The following ERICH6 variants were observed in gnomAD, a reference collection of about 807,000 sequenced individuals.
The protein encoded by ERICH6 is glutamate rich 6, also known as glutamate-rich protein 6.
A neutral mutation model predicts 71.0 loss-of-function variants in ERICH6; 71 were observed. That is an observed-to-expected ratio of 1.00 (90% CI 0.83 to 1.22). The LOEUF is 1.22. Ranked by LOEUF, ERICH6 falls within the 50% of genes most tolerant of loss-of-function variation. The pLI, the probability that ERICH6 is intolerant of heterozygous loss-of-function variation, is 0.00. For missense variants in ERICH6, 808 were observed against 797.2 expected (o/e 1.01, Z -0.16); for synonymous variants, 262 against 278.4 (o/e 0.94, Z 0.59).
intron 2 of ERICH6, among the ~76,000 whole-genome samples, chr3:150,701,060 T>A (rs1361535613): frequency 1.3e-5 from 2 of 152,134 alleles, no homozygotes; most frequent in Non-Finnish European, 2.9e-5. Flanking sequence ...AATACAAGCA[T>A]AATAAAGCTT....
chr3:150,677,700 T>C (rs574134643), intron 10 of ERICH6, among the ~76,000 whole-genome samples: 1 of 152,104 alleles, frequency 6.6e-6, no homozygotes, highest in African/African-American at 2.4e-5. Context: ...TTTTGTCTTG[T>C]TGTCCAGGCT....
intron 4 of ERICH6, 102 bp from the exon 5 acceptor site, chr3:150,686,123 C>CCA: frequency 3.3e-6 from 4 of 1,207,636 alleles, no homozygotes; most frequent in Non-Finnish European, 4.9e-6. Context: ...TCCTCCTTGC[C>CCA]CAGCACGCAC....
chr3:150,691,140 G>GT (rs1421047550), intron 3 of ERICH6, among the ~76,000 whole-genome samples: 1 of 152,162 alleles, frequency 6.6e-6, no homozygotes, highest in Non-Finnish European at 1.5e-5. Context: ...TGCAATGGCA[G>GT]TTCCATAACT....
chr3:150,664,561 C>T (rs562083266), intron 13 of ERICH6, among the ~76,000 whole-genome samples: 5 of 151,600 alleles, frequency 3.3e-5, no homozygotes, highest in East Asian at 3.9e-4. Flanking sequence ...GCATGAGAAT[C>T]GCTTGAACCC....
intron 3 of ERICH6, among the ~76,000 whole-genome samples, chr3:150,691,273 T>C (rs193077204): frequency 6.6e-6 from 1 of 152,190 alleles, no homozygotes; most frequent in Non-Finnish European, 1.5e-5. Context: ...AAAGTTAAAT[T>C]ATAGATATTT....
intron 10 of ERICH6, 37 bp from the exon 11 acceptor site, chr3:150,674,078 T>C (rs987757188): frequency 1.3e-6 from 2 of 1,573,576 alleles, no homozygotes; most frequent in Non-Finnish European, 1.7e-6. Flanking sequence ...CTTAATTGTT[T>C]CGGACATAAA....
In ERICH6 at chr3:150,669,402, C is replaced by A. The variant is rs780791444; in HGVS notation, c.1393G>T (p.Gly465Cys). Reference protein sequence around the residue: ...AIIRVPNKVNGFTCIVQEDMP... With the variant: ...AIIRVPNKVNCFTCIVQEDMP... ...TCTTCTTGGACTATACAAGTAAAAC[C>A]ATTTACCTTGTTGGGCACTCGAATG... The change falls in exon 12 of 14, where the codon GGT becomes TGT. Residue 465 changes from glycine (G) to cysteine (C), a missense_variant. By Grantham distance (159) the Gly-to-Cys change is radical. Transcript: ENST00000295910. The A allele has an allele frequency of 1.2e-6, 2 of 1,613,620 alleles. No individual in the cohort carries two copies.
intron 3 of ERICH6, among the ~76,000 whole-genome samples, chr3:150,698,289 TTTGGCAAATGTTAGGTGC>T (rs1346077188): frequency 1.3e-5 from 2 of 152,172 alleles, no homozygotes; most frequent in Non-Finnish European, 2.9e-5. Flanking sequence ...ATGATAGGTG[TTTGGCAAATGTTAGGTGC>T]TTGGCAAATG....
In ERICH6 at chr3:150,668,534, G is replaced by T. The variant is rs919671601; in HGVS notation, c.1499+762C>A. Among the ~76,000 whole-genome samples, 47 of 152,306 alleles carry T rather than the reference G, an allele frequency of 3.1e-4. 1 individual carries two copies. Among genetic ancestry groups the T allele is most frequent in the Non-Finnish European group, 5.9e-4 (40 of 68,016 alleles). On this transcript the variant is annotated intron_variant, in intron 12 of 13. Transcript: ENST00000295910. ...AGTTTCCAATATACATGGTGGTAAT[G>T]AATTGACTACTGCTGTGGACGAAAA... is the stretch of plus-strand genomic sequence containing the variant.
chr3:150,702,260 T>C lies in ERICH6; in HGVS notation c.404-82A>G, dbSNP rs1169742643. ...TACCCCCCCCAGGAACACATGGCAATGTCTGGAGACTTTTTTTTTTTTTTT... is the reference window on the plus strand; with the variant it reads ...TACCCCCCCCAGGAACACATGGCAACGTCTGGAGACTTTTTTTTTTTTTTT... On this transcript the variant is annotated intron_variant, in intron 1 of 13. Transcript: ENST00000295910. 1.1e-5 allele frequency: 7 copies of C among 641,736 alleles called. No homozygotes were observed. In the East Asian group the frequency reaches 1.9e-4, roughly 17 times the overall value. 39.8% of individuals were successfully genotyped at this position (641,736 alleles called of 1,614,324 possible).
At position 150,685,634 on chromosome 3, in the gene ERICH6, T is replaced by TC. The variant is rs569127375; in HGVS notation, c.783+107_783+108insG. The TC allele has an allele frequency of 1.3e-4, 91 of 720,826 alleles. 1 individual carries two copies. In the African/African-American group the frequency reaches 1.4e-3, roughly 11 times the overall value. The allele number at this position is 720,826 out of a possible 1,614,324, so 44.7% of individuals were successfully genotyped here. A position where few individuals can be genotyped will look rare whatever the true frequency, so the allele number is the denominator to read the frequency against. On this transcript the variant is annotated intron_variant, in intron 6 of 13. Transcript: ENST00000295910. ...TTCTAAGTAATTGAGCTCTTTGGCTTTTTTTTTTTTTCCTTTTAGAGTATT... is the reference window on the plus strand; with the variant it reads ...TTCTAAGTAATTGAGCTCTTTGGCTTCTTTTTTTTTTTCCTTTTAGAGTATT...
intron 9 of ERICH6, 29 bp from the exon 10 acceptor site, chr3:150,678,583 CA>C: frequency 6.5e-7 from 1 of 1,526,758 alleles, no homozygotes; most frequent in East Asian, 2.4e-5. Context: ...CATAGAAATA[CA>C]TATATGTTTT....
intron 13 of ERICH6, among the ~76,000 whole-genome samples, chr3:150,661,974 C>T (rs1727241548): frequency 6.6e-6 from 1 of 151,920 alleles, no homozygotes; most frequent in Non-Finnish European, 1.5e-5. Context: ...ACATATAACT[C>T]AAAACTACAT....
chr3:150,701,679 C>A (rs747169611), intron 2 of ERICH6, among the ~76,000 whole-genome samples: 2 of 152,112 alleles, frequency 1.3e-5, no homozygotes, highest in Non-Finnish European at 2.9e-5. Context: ...GAAGGCATTT[C>A]ACTGGTATCT....
rs1004463451 is a variant in ERICH6, at chr3:150,703,903, G to A, written c.-5C>T. On this transcript the variant is annotated 5_prime_UTR_variant, in exon 1 of 14. Transcript: ENST00000295910. ...AGGCGAGCGCAAGTGGGCCATGGCTGGCGGGAGGCGGGATTACAGCCAGCT... is the reference window on the plus strand; with the variant it reads ...AGGCGAGCGCAAGTGGGCCATGGCTAGCGGGAGGCGGGATTACAGCCAGCT... 6.2e-7 allele frequency: 1 copy of A among 1,613,022 alleles called. No individual in the cohort carries two copies. The highest frequency in any genetic ancestry group is 8.5e-7 in the Non-Finnish European group (1 of 1,179,372).
chr3:150,671,244 TG>T (rs1294242256), intron 11 of ERICH6, among the ~76,000 whole-genome samples: 3 of 152,226 alleles, frequency 2.0e-5, no homozygotes, highest in African/African-American at 7.2e-5. Flanking sequence ...GGCTTACTAT[TG>T]GGGTTTAAGT....
intron 1 of ERICH6, among the ~76,000 whole-genome samples, chr3:150,703,224 TA>T (rs749799089): frequency 2.8e-3 from 393 of 139,686 alleles, no homozygotes; most frequent in Admixed American, 2.7e-3. Flanking sequence ...GACTCTTGTC[TA>T]AAAAAAAAAA....
Position 150,673,943 on chromosome 3 carries a change from T to A in ERICH6, c.1343+13A>T. ...AATAAAGCTAATAAAAATAACTTGT[T>A]GAAAGAGGATACAATATTTGTGTTG... On this transcript the variant is annotated intron_variant, in intron 11 of 13. Transcript: ENST00000295910. The A allele has an allele frequency of 6.2e-7, 1 of 1,610,830 alleles. No individual in the cohort carries two copies. The highest frequency in any genetic ancestry group is 8.5e-7 in the Non-Finnish European group (1 of 1,178,152).
chr3:150,675,364 T>C (rs985767240), intron 10 of ERICH6, among the ~76,000 whole-genome samples: 26 of 152,330 alleles, frequency 1.7e-4, no homozygotes, highest in African/African-American at 5.8e-4. Context: ...ACTTTTTTTT[T>C]TGAGACAAGA....
Sources: gnomAD v4.1 joint callset for allele counts (sites outside exome capture counted in the v4.1 genomes callset) on GRCh38, gnomAD v4.1.1 for gene constraint, MANE v1.5 for transcripts, NCBI Gene and HGNC (gene_info 2026-07-23, HGNC 2026-07-21) for gene names.